Variants in DPYD observed in about 807,000 individuals in gnomAD.
DPYD encodes dihydropyrimidine dehydrogenase.
DPYD carries 109 observed loss-of-function variants against 116.2 expected under a neutral mutation model. That is an observed-to-expected ratio of 0.94 (90% CI 0.80 to 1.10). The LOEUF is 1.10. DPYD is among the 50% of genes least tolerant of loss of function. DPYD has a pLI of 0.00. For missense variants in DPYD, 1,302 were observed against 1,254.5 expected, an observed-to-expected ratio of 1.04 and a Z score of -0.57; for synonymous variants, 440 against 432.0, an observed-to-expected ratio of 1.02 and a Z score of -0.23.
At chr1:97,470,738 C>T (rs1266113974) in intron 13 of DPYD, among the ~76,000 whole-genome samples, 4 of 152,160 alleles carry the variant, frequency 2.6e-5, no homozygotes, top group South Asian at 2.1e-4. Context: ...TGGCTCATGC[C>T]TATAATCCCA....
At chr1:97,396,219 C>T (rs1161197720) in intron 14 of DPYD, among the ~76,000 whole-genome samples, 1 of 149,500 alleles carries the variant, frequency 6.7e-6, no homozygotes. Flanking sequence ...GTTATTAGCC[C>T]CACTTTACAG....
Position 97,078,723 on chromosome 1 carries a change from C to T in DPYD, c.*253G>A. On this transcript the variant is annotated 3_prime_UTR_variant, in exon 23 of 23. Coordinates refer to ENST00000370192, the MANE Select transcript of DPYD (RefSeq NM_000110.4). ...ACATAAGACAACTGGCAGTGAACAT[C>T]CAATTAACTGCCACACAGTTATTTA... 2.1e-6 allele frequency: 1 copy of T among 479,110 alleles called. No individual in the cohort carries two copies. The highest frequency in any genetic ancestry group is 3.8e-6 in the Non-Finnish European group (1 of 265,484). 29.7% of individuals were successfully genotyped at this position (479,110 alleles called of 1,614,324 possible).
At chr1:97,112,747 A>G (rs1451211019) in intron 20 of DPYD, among the ~76,000 whole-genome samples, 1 of 152,156 alleles carries the variant, frequency 6.6e-6, no homozygotes, top group East Asian at 1.9e-4. Context: ...GAACATGAAA[A>G]AGAAATTAAA....
At chr1:97,491,972 C>T (rs987912339) in intron 13 of DPYD, among the ~76,000 whole-genome samples, 2 of 151,980 alleles carry the variant, frequency 1.3e-5, no homozygotes, top group African/African-American at 4.8e-5. Flanking sequence ...ATGTATTCTG[C>T]GGCAGGTTTC....
At position 97,832,045 on chromosome 1, in the gene DPYD, T is replaced by TTTTGTGTGTGTGTG. The variant is rs373676873; in HGVS notation, c.151-3850_151-3849insCACACACACACAAA. 4.5e-5 allele frequency among the ~76,000 whole-genome samples: 6 copies of TTTTGTGTGTGTGTG among 134,014 alleles called. No homozygotes were observed. In the South Asian group the frequency reaches 1.3e-3, roughly 30 times the overall value. The allele number at this position is 134,014 out of a possible 152,430, so 87.9% of individuals were successfully genotyped here. On this transcript the variant is annotated intron_variant, in intron 2 of 22. Transcript: ENST00000370192. ...CATTATAGCTTTAATATATAATGTA[T>TTTTGTGTGTGTGTG]TGTGTGTGTGTGTGTGTGTGTGTGT... is the stretch of plus-strand genomic sequence containing the variant.
intron 11 of DPYD, among the ~76,000 whole-genome samples, chr1:97,562,229 G>A (rs1652200798): frequency 6.6e-6 from 1 of 152,188 alleles, no homozygotes; most frequent in Non-Finnish European, 1.5e-5. Flanking sequence ...GGGAAGAATA[G>A]TTTTAGATTC....
At chr1:97,343,986 C>T (rs1421121552) in intron 16 of DPYD, among the ~76,000 whole-genome samples, 1 of 151,756 alleles carries the variant, frequency 6.6e-6, no homozygotes, top group Non-Finnish European at 1.5e-5. Flanking sequence ...GCTTCTTAAA[C>T]AAGCATCTTA....
intron 20 of DPYD, among the ~76,000 whole-genome samples, chr1:97,101,288 T>G (rs994532156): frequency 6.6e-6 from 1 of 151,542 alleles, no homozygotes; most frequent in African/African-American, 2.4e-5. Flanking sequence ...GTTTGAAAAT[T>G]TAAGTGCTTT....
intron 13 of DPYD, among the ~76,000 whole-genome samples, chr1:97,488,365 T>C (rs536430406): frequency 3.9e-4 from 59 of 152,142 alleles, no homozygotes; most frequent in Non-Finnish European, 7.2e-4. Flanking sequence ...ATCTTGGCTG[T>C]GGTGGTAAAT....
chr1:97,767,024 T>G (rs1267583467), intron 3 of DPYD, among the ~76,000 whole-genome samples: 1 of 152,132 alleles, frequency 6.6e-6, no homozygotes, highest in East Asian at 1.9e-4. Flanking sequence ...TAAGAAACAT[T>G]TCCTATTCTG....
chr1:97,810,286 C>CAAAAA (rs71071672), intron 3 of DPYD, among the ~76,000 whole-genome samples: 15 of 73,430 alleles, frequency 2.0e-4, no homozygotes, highest in Admixed American at 5.5e-4. Context: ...GACTCCATCT[C>CAAAAA]AAAAAAAAAA....
At chr1:97,435,869 A>G (rs886259695) in intron 14 of DPYD, among the ~76,000 whole-genome samples, 2 of 152,006 alleles carry the variant, frequency 1.3e-5, no homozygotes, top group Admixed American at 6.6e-5. Flanking sequence ...GAAAAAAAAT[A>G]TATAGTTATC....
chr1:97,316,819 A>G (rs1250988076), intron 16 of DPYD, among the ~76,000 whole-genome samples: 1 of 151,862 alleles, frequency 6.6e-6, no homozygotes, highest in African/African-American at 2.4e-5. Context: ...CCTTGCACCC[A>G]AAATTGATCC....
chr1:97,335,155 T>C (rs1669218942), intron 16 of DPYD, among the ~76,000 whole-genome samples: 2 of 152,128 alleles, frequency 1.3e-5, no homozygotes, highest in Admixed American at 6.6e-5. Context: ...CTAAATTTAA[T>C]TAGAAGATGT....
chr1:97,339,339 T>C (rs1255164740), intron 16 of DPYD, among the ~76,000 whole-genome samples: 1 of 152,206 alleles, frequency 6.6e-6, no homozygotes, highest in African/African-American at 2.4e-5. Flanking sequence ...CAGACAGGAT[T>C]AATTTTACAA....
intron 8 of DPYD, among the ~76,000 whole-genome samples, chr1:97,595,369 T>C (rs991050117): frequency 1.1e-4 from 16 of 152,056 alleles, no homozygotes; most frequent in Non-Finnish European, 2.2e-4. Flanking sequence ...TATAACCAAG[T>C]ACACATCGTA....
chr1:97,177,487 C>T (rs998033634), intron 20 of DPYD, among the ~76,000 whole-genome samples: 2 of 151,336 alleles, frequency 1.3e-5, no homozygotes, highest in Admixed American at 6.6e-5. Context: ...AAGTAAGAAA[C>T]GAAGGGCAGT....
At chr1:97,291,821 A>G (rs1192084092) in intron 18 of DPYD, among the ~76,000 whole-genome samples, 1 of 152,156 alleles carries the variant, frequency 6.6e-6, no homozygotes, top group Non-Finnish European at 1.5e-5. Context: ...CATGTACCCT[A>G]AAACTTAAAG....
chr1:97,638,240 C>T (rs1657681538), intron 8 of DPYD, among the ~76,000 whole-genome samples: 1 of 152,026 alleles, frequency 6.6e-6, no homozygotes, highest in Non-Finnish European at 1.5e-5. Context: ...GCTCAGCATA[C>T]CAGGATTTGG....
Sources: gnomAD v4.1 joint callset for allele counts (sites outside exome capture counted in the v4.1 genomes callset) on GRCh38, gnomAD v4.1.1 for gene constraint, MANE v1.5 for transcripts, NCBI Gene and HGNC (gene_info 2026-07-23, HGNC 2026-07-21) for gene names.